The following BLTP1 variants were observed in gnomAD, a reference collection of about 807,000 sequenced individuals.
The protein encoded by BLTP1 is bridge-like lipid transfer protein family member 1.
the BLTP1 span, chr4:122,257,564 A>C: frequency 7.3e-7 from 1 of 1,378,464 alleles, no homozygotes; most frequent in Non-Finnish European, 1.0e-6. Flanking sequence ...CTTACTCAAC[A>C]CAATTACTGT....
the BLTP1 span, chr4:122,273,458 C>T: frequency 5.1e-6 from 5 of 980,710 alleles, no homozygotes; most frequent in Non-Finnish European, 6.1e-6. Context: ...ATAAACAATA[C>T]ACAAATGCTC....
At chr4:122,173,129 A>G in the BLTP1 span, 1 of 1,611,886 alleles carries the variant, frequency 6.2e-7, no homozygotes, top group Admixed American at 1.7e-5. Flanking sequence ...AACAGATTAT[A>G]CAAGCATGGC....
the BLTP1 span, chr4:122,171,847 C>A: frequency 6.1e-6 from 6 of 983,580 alleles, no homozygotes; most frequent in Non-Finnish European, 6.0e-6. Flanking sequence ...ATTGTTTAAT[C>A]CCTCTGTTTT....
At chr4:122,246,783 G>A in the BLTP1 span, 3 of 1,613,034 alleles carry the variant, frequency 1.9e-6, no homozygotes, top group Middle Eastern at 1.7e-4. Context: ...TGTTTTGACA[G>A]AATTGCTACA....
chr4:122,318,186 T>C, the BLTP1 span: 1 of 1,608,248 alleles, frequency 6.2e-7, no homozygotes, highest in African/African-American at 1.3e-5. Flanking sequence ...ACCAGGAAAT[T>C]CAACGTTACC....
chr4:122,294,024 T>G, the BLTP1 span, among the ~76,000 whole-genome samples: 1 of 152,176 alleles, frequency 6.6e-6, no homozygotes, highest in Non-Finnish European at 1.5e-5. Flanking sequence ...TAAGTGGGAC[T>G]CCGGTCCATC....
chr4:122,315,784 A>G, the BLTP1 span: 20 of 1,106,566 alleles, frequency 1.8e-5, no homozygotes, highest in African/African-American at 2.5e-4. Context: ...TATAGTTGCT[A>G]TTTGTGGAGG....
At chr4:122,184,600 A>G in the BLTP1 span, 16 of 632,990 alleles carry the variant, frequency 2.5e-5, no homozygotes, top group South Asian at 1.4e-4. Context: ...AGATTGTGCC[A>G]TTGCACTCCA....
the BLTP1 span, chr4:122,277,162 C>A: frequency 1.3e-6 from 1 of 766,298 alleles, no homozygotes; most frequent in Non-Finnish European, 1.6e-6. Context: ...TATAATGAGA[C>A]CCTGTCTCTA....
the BLTP1 span, among the ~76,000 whole-genome samples, chr4:122,161,533 T>C: frequency 1.2e-4 from 18 of 151,664 alleles, no homozygotes; most frequent in Non-Finnish European, 2.4e-4. Flanking sequence ...CAGGCTTAAG[T>C]GTCCTTCCCA....
At chr4:122,212,266 G>A in the BLTP1 span, among the ~76,000 whole-genome samples, 1 of 152,098 alleles carries the variant, frequency 6.6e-6, no homozygotes, top group Non-Finnish European at 1.5e-5. Flanking sequence ...AAAGATGCAA[G>A]GGAAAATGTG....
the BLTP1 span, among the ~76,000 whole-genome samples, chr4:122,167,243 A>T: frequency 2.0e-5 from 3 of 152,100 alleles, no homozygotes; most frequent in Non-Finnish European, 2.9e-5. Flanking sequence ...CTTATCTACC[A>T]TTTTAGGTTT....
At chr4:122,199,369 T>A in the BLTP1 span, 8 of 1,612,948 alleles carry the variant, frequency 5.0e-6, no homozygotes, top group Non-Finnish European at 5.9e-6. Flanking sequence ...GTTACACTCC[T>A]GCTATTAAGG....
chr4:122,254,958 A>G, the BLTP1 span: 5 of 1,591,750 alleles, frequency 3.1e-6, no homozygotes, highest in African/African-American at 4.1e-5. Context: ...CATTAGAGGT[A>G]TGTCTTTAAA....
the BLTP1 span, chr4:122,337,246 C>T: frequency 2.0e-6 from 1 of 506,156 alleles, no homozygotes. Context: ...ATTAACCCAT[C>T]ACAAACTGAA....
At chr4:122,320,938 T>C in the BLTP1 span, among the ~76,000 whole-genome samples, 1 of 152,078 alleles carries the variant, frequency 6.6e-6, no homozygotes, top group South Asian at 2.1e-4. Flanking sequence ...AATCTCATTT[T>C]CTGTTTTTTC....
the BLTP1 span, chr4:122,286,817 G>T: frequency 1.3e-6 from 2 of 1,575,486 alleles, no homozygotes; most frequent in East Asian, 4.5e-5. Context: ...CTTACTCTTC[G>T]TAATTTAGGA....
At chr4:122,314,175 C>T in the BLTP1 span, 1 of 977,370 alleles carries the variant, frequency 1.0e-6, no homozygotes, top group Non-Finnish European at 1.2e-6. Flanking sequence ...TAAGCAAAAA[C>T]TGGGAGATGT....
chr4:122,356,649 T>C, the BLTP1 span: 2 of 1,613,682 alleles, frequency 1.2e-6, no homozygotes, highest in South Asian at 1.1e-5. Flanking sequence ...AAGTAGAATG[T>C]AGTGTGGTGA....
Sources: allele counts gnomAD v4.1 joint callset (sites outside exome capture counted in the v4.1 genomes callset), GRCh38; gene constraint gnomAD v4.1.1; transcripts MANE v1.5; gene names NCBI Gene and HGNC (gene_info 2026-07-23, HGNC 2026-07-21).